Variants in RAI14 observed in about 807,000 individuals in gnomAD.
RAI14 encodes the protein retinoic acid induced 14, also known as ankycorbin.
A neutral mutation model predicts 115.4 loss-of-function variants in RAI14; 45 were observed. The observed-to-expected ratio is 0.39, with a 90% CI of 0.31 to 0.50. The LOEUF (loss-of-function observed/expected upper bound fraction) is 0.50, where lower values mean the gene tolerates loss of function less well. Among genes scored for constraint, RAI14 ranks in the 20% least tolerant of loss-of-function variants. RAI14 has a pLI of 0.85. For synonymous variants in RAI14, 371 were observed against 415.4 expected (o/e 0.89, Z 1.30); for missense variants, 939 against 1,131.2 (o/e 0.83, Z 2.44).
At chr5:34,815,209 C>T (rs1380171044) in intron 12 of RAI14, among the ~76,000 whole-genome samples, 1 of 151,966 alleles carries the variant, frequency 6.6e-6, no homozygotes, top group Non-Finnish European at 1.5e-5. Flanking sequence ...GGTGAAACTC[C>T]GTCTCTACTA....
chr5:34,777,760 C>T (rs1202933665), intron 3 of RAI14, among the ~76,000 whole-genome samples: 1 of 151,922 alleles, frequency 6.6e-6, no homozygotes, highest in Admixed American at 6.6e-5. Context: ...GCCTGGGCAA[C>T]AGAGCGAGAC....
rs571851373 is a variant in RAI14, at chr5:34,824,100, A to C, written c.2258A>C (p.Asn753Thr). Residue 753 changes from asparagine to threonine, a missense_variant, in exon 15 of 18, where the codon AAT becomes ACT. Physicochemically the swap from Asn to Thr is moderately conservative, Grantham distance 65. Transcript: ENST00000265109. ...AAKEMEEKIS[N>T]LKEHLASKEV... ...AAAGAGATGGAAGAAAAAATAAGCAATCTTAAGGAACACCTTGCAAGCAAG... is the reference window on the plus strand; with the variant it reads ...AAAGAGATGGAAGAAAAAATAAGCACTCTTAAGGAACACCTTGCAAGCAAG... 1.9e-6 allele frequency: 3 copies of C among 1,614,154 alleles called. No individual in the cohort carries two copies. Among genetic ancestry groups the C allele is most frequent in the Non-Finnish European group, 2.5e-6 (3 of 1,180,002 alleles).
At chr5:34,803,978 G>T (rs1754580206) in intron 5 of RAI14, among the ~76,000 whole-genome samples, 1 of 152,114 alleles carries the variant, frequency 6.6e-6, no homozygotes, top group African/African-American at 2.4e-5. Flanking sequence ...CAGAGAAGAG[G>T]ATCTAATCAA....
intron 3 of RAI14, among the ~76,000 whole-genome samples, chr5:34,782,283 T>TC (rs1460310689): frequency 6.6e-6 from 1 of 152,138 alleles, no homozygotes; most frequent in Non-Finnish European, 1.5e-5. Context: ...TGTCTTTTTT[T>TC]CTTTTTTTTC....
chr5:34,713,537 C>T (rs1399439204), intron 2 of RAI14, among the ~76,000 whole-genome samples: 2 of 152,284 alleles, frequency 1.3e-5, no homozygotes, highest in East Asian at 1.9e-4. Context: ...TTATCCTTCA[C>T]TGAGGATCTG....
chr5:34,828,200 A>G (rs1757638962), intron 16 of RAI14, among the ~76,000 whole-genome samples: 1 of 152,110 alleles, frequency 6.6e-6, no homozygotes, highest in African/African-American at 2.4e-5. Context: ...GCTTGCTGGA[A>G]AGATGGGAAG....
At chr5:34,807,344 C>T (rs1034407813) in intron 5 of RAI14, among the ~76,000 whole-genome samples, 2 of 152,076 alleles carry the variant, frequency 1.3e-5, no homozygotes, top group African/African-American at 4.8e-5. Flanking sequence ...TTTTGGTGAC[C>T]TTGACCAAGG....
intron 1 of RAI14, among the ~76,000 whole-genome samples, chr5:34,668,865 T>C (rs1212449978): frequency 6.6e-6 from 1 of 152,122 alleles, no homozygotes; most frequent in Non-Finnish European, 1.5e-5. Flanking sequence ...TTAGGTTCTT[T>C]TTTTTTTCTT....
intron 1 of RAI14, among the ~76,000 whole-genome samples, chr5:34,659,594 CTA>C (rs1742539213): frequency 6.6e-6 from 1 of 152,172 alleles, no homozygotes; most frequent in Non-Finnish European, 1.5e-5. Context: ...GAGTGACACT[CTA>C]TTTCCATTTT....
intron 2 of RAI14, among the ~76,000 whole-genome samples, chr5:34,722,061 C>T (rs1561277582): frequency 6.6e-6 from 1 of 151,946 alleles, no homozygotes; most frequent in Non-Finnish European, 1.5e-5. Flanking sequence ...CTTTTGGTGT[C>T]TCGCCCTGAA....
At chr5:34,702,709 G>C (rs1037137974) in intron 2 of RAI14, among the ~76,000 whole-genome samples, 2 of 152,124 alleles carry the variant, frequency 1.3e-5, no homozygotes, top group African/African-American at 4.8e-5. Flanking sequence ...CAAGTAAATA[G>C]TCTTTTTGTT....
intron 12 of RAI14, 69 bp downstream of exon 12, chr5:34,814,738 A>G (rs1189286141): frequency 1.6e-6 from 2 of 1,215,764 alleles, no homozygotes; most frequent in African/African-American, 1.5e-5. Context: ...TTTAAGTTAT[A>G]TAACACTGGG....
chr5:34,752,834 C>A (rs757860999), intron 2 of RAI14, among the ~76,000 whole-genome samples: 9 of 149,416 alleles, frequency 6.0e-5, no homozygotes, highest in Non-Finnish European at 1.0e-4. Context: ...GTGGTGCAAT[C>A]TCGGTTCACT....
At chr5:34,776,398 A>T (rs550208650) in intron 3 of RAI14, among the ~76,000 whole-genome samples, 2 of 152,340 alleles carry the variant, frequency 1.3e-5, no homozygotes, top group African/African-American at 2.4e-5. Context: ...TATACATTTT[A>T]AAATAGCTGA....
In RAI14 at chr5:34,741,723, T is replaced by A. The variant is rs143937315; in HGVS notation, c.37-15745T>A. ...GGGCATGGAAGAGTGTGGGATCTCT[T>A]GTTGACCATGGACAGCCACGGATGG... On this transcript the variant is annotated intron_variant, in intron 2 of 17. Coordinates refer to ENST00000265109, the MANE Select transcript of RAI14 (RefSeq NM_015577.3). Among the ~76,000 whole-genome samples the A allele has an allele frequency of 4.2e-3, 645 of 152,222 alleles. 3 individuals are homozygous for A. Among genetic ancestry groups the A allele is most frequent in the African/African-American group, 0.015 (617 of 41,534 alleles).
At chr5:34,687,566 A>G in intron 2 of RAI14, 1 of 1,440,696 alleles carries the variant, frequency 6.9e-7, no homozygotes, top group Non-Finnish European at 9.1e-7. Context: ...AGAGGGAGAA[A>G]AACATAGCAG....
At chr5:34,802,549 C>A (rs1043113234) in intron 4 of RAI14, among the ~76,000 whole-genome samples, 8 of 152,148 alleles carry the variant, frequency 5.3e-5, no homozygotes, top group Non-Finnish European at 1.0e-4. Flanking sequence ...AATTAGCATA[C>A]CCTCTAATTC....
At chr5:34,782,896 G>C (rs1402293671) in intron 3 of RAI14, among the ~76,000 whole-genome samples, 1 of 152,166 alleles carries the variant, frequency 6.6e-6, no homozygotes, top group Non-Finnish European at 1.5e-5. Flanking sequence ...CAGCATGTCT[G>C]CCTGTTCTGC....
chr5:34,821,116 T>G (rs1013794391), intron 13 of RAI14, among the ~76,000 whole-genome samples: 1 of 152,188 alleles, frequency 6.6e-6, no homozygotes, highest in South Asian at 2.1e-4. Context: ...AGCCAAATCA[T>G]AGAGGCCTGA....
Sources: gnomAD v4.1 joint callset for allele counts (sites outside exome capture counted in the v4.1 genomes callset) on GRCh38, gnomAD v4.1.1 for gene constraint, MANE v1.5 for transcripts, NCBI Gene and HGNC (gene_info 2026-07-23, HGNC 2026-07-21) for gene names.